SLC4A7: variants seen among roughly 807,000 people sequenced by gnomAD.
SLC4A7 encodes the protein solute carrier family 4 member 7, also known as sodium bicarbonate cotransporter 3.
A neutral mutation model predicts 137.6 loss-of-function variants in SLC4A7; 51 were observed. The observed-to-expected ratio is 0.37, with a 90% CI of 0.30 to 0.47. The LOEUF (loss-of-function observed/expected upper bound fraction) is 0.47. Ranked by LOEUF, SLC4A7 falls within the 20% of genes least tolerant of loss-of-function variation. SLC4A7 has a pLI of 1.00. For synonymous variants in SLC4A7, 542 were observed against 518.6 expected (o/e 1.05, Z -0.61); for missense variants, 1,247 against 1,525.4 (o/e 0.82, Z 3.04).
intron 1 of SLC4A7, among the ~76,000 whole-genome samples, chr3:27,453,608 C>T (rs1196833864): frequency 6.6e-6 from 1 of 152,158 alleles, no homozygotes; most frequent in African/African-American, 2.4e-5. Context: ...CATGAAACTC[C>T]GTCTAAAAAT....
chr3:27,383,416 A>G (rs2050627936), intron 23 of SLC4A7, among the ~76,000 whole-genome samples, 166 bp from the exon 24 acceptor site: 1 of 152,262 alleles, frequency 6.6e-6, no homozygotes, highest in South Asian at 2.1e-4. Flanking sequence ...GTAACATAAA[A>G]TAAAAACAAC....
At chr3:27,473,963 G>A (rs1438464318) in intron 1 of SLC4A7, among the ~76,000 whole-genome samples, 2 of 152,014 alleles carry the variant, frequency 1.3e-5, no homozygotes, top group Admixed American at 6.6e-5. Context: ...GTAAATTTAA[G>A]ATGAAACTAT....
intron 16 of SLC4A7, among the ~76,000 whole-genome samples, chr3:27,400,440 A>G (rs897743739): frequency 7.2e-5 from 11 of 152,216 alleles, no homozygotes; most frequent in Admixed American, 6.5e-4. Context: ...ATGTAGCCAC[A>G]GTCCCAGTAA....
chr3:27,394,397 T>A (rs1294945998), intron 20 of SLC4A7, 121 bp downstream of exon 20: 1 of 850,830 alleles, frequency 1.2e-6, no homozygotes, highest in African/African-American at 1.7e-5. Flanking sequence ...ATTTCCCAAG[T>A]AAACTGTGGA....
chr3:27,473,148 G>A (rs1177537789), intron 1 of SLC4A7, among the ~76,000 whole-genome samples: 4 of 151,670 alleles, frequency 2.6e-5, no homozygotes, highest in African/African-American at 7.3e-5. Context: ...AAATTGATAA[G>A]CTGGGCATGG....
intron 7 of SLC4A7, among the ~76,000 whole-genome samples, chr3:27,425,017 A>G (rs1576375203): frequency 6.6e-6 from 1 of 152,246 alleles, no homozygotes; most frequent in East Asian, 1.9e-4. Context: ...ACACAGCTTA[A>G]TATGAGACTA....
intron 24 of SLC4A7, 149 bp downstream of exon 24, chr3:27,383,004 T>G (rs1250699439): frequency 5.1e-6 from 3 of 586,738 alleles, no homozygotes; most frequent in Non-Finnish European, 8.8e-6. Context: ...CTTTTCAAAT[T>G]GTGTGAAGCC....
intron 1 of SLC4A7, among the ~76,000 whole-genome samples, chr3:27,474,157 G>C (rs568629394): frequency 6.6e-6 from 1 of 152,212 alleles, no homozygotes; most frequent in South Asian, 2.1e-4. Context: ...CATCAAAACA[G>C]AATTAAGCTA....
chr3:27,377,800 A>G (rs946237187), intron 25 of SLC4A7, among the ~76,000 whole-genome samples: 1 of 152,230 alleles, frequency 6.6e-6, no homozygotes, highest in East Asian at 1.9e-4. Flanking sequence ...AAGTTTTCAG[A>G]AAGTGTAAAA....
chr3:27,460,469 A>C (rs2058638780), intron 1 of SLC4A7, among the ~76,000 whole-genome samples: 1 of 152,252 alleles, frequency 6.6e-6, no homozygotes, highest in Non-Finnish European at 1.5e-5. Context: ...TACTAGAATT[A>C]AATACTGTAT....
chr3:27,394,881 A>G, intron 19 of SLC4A7, 73 bp downstream of exon 19: 1 of 1,537,402 alleles, frequency 6.5e-7, no homozygotes, highest in South Asian at 1.3e-5. Flanking sequence ...ACATCTTTTA[A>G]TGTTCTAATC....
intron 1 of SLC4A7, among the ~76,000 whole-genome samples, chr3:27,476,932 C>T (rs770077572): frequency 6.6e-6 from 1 of 152,168 alleles, no homozygotes; most frequent in Non-Finnish European, 1.5e-5. Context: ...CTAGGCTAGA[C>T]TTAATTGAGA....
intron 7 of SLC4A7, 57 bp downstream of exon 7, chr3:27,431,241 A>C: frequency 6.6e-7 from 1 of 1,510,248 alleles, no homozygotes; most frequent in East Asian, 2.3e-5. Context: ...AAGGCATTCC[A>C]AGTGCAAGTG....
chr3:27,393,752 C>A (rs2051834742), intron 20 of SLC4A7, among the ~76,000 whole-genome samples: 1 of 152,026 alleles, frequency 6.6e-6, no homozygotes, highest in Admixed American at 6.6e-5. Context: ...TGCAAGGAAG[C>A]CTTAATTATC....
chr3:27,452,724 T>C (rs2058156321), intron 1 of SLC4A7, among the ~76,000 whole-genome samples: 1 of 152,192 alleles, frequency 6.6e-6, no homozygotes, highest in African/African-American at 2.4e-5. Flanking sequence ...CAAAGATTTT[T>C]AAATGGTTTT....
At chr3:27,433,645 G>C (rs1439687363) in intron 6 of SLC4A7, among the ~76,000 whole-genome samples, 1 of 151,604 alleles carries the variant, frequency 6.6e-6, no homozygotes, top group Non-Finnish European at 1.5e-5. Context: ...AGTATGTTCA[G>C]GAGAAAAAAA....
intron 1 of SLC4A7, among the ~76,000 whole-genome samples, chr3:27,483,426 C>G (rs566701518): frequency 1.4e-4 from 22 of 152,316 alleles, no homozygotes; most frequent in Admixed American, 2.6e-4. Flanking sequence ...CTCCCCGGGT[C>G]CCAGCCAGTG....
At chr3:27,390,525 T>C (rs897103370) in intron 21 of SLC4A7, among the ~76,000 whole-genome samples, 7 of 152,230 alleles carry the variant, frequency 4.6e-5, no homozygotes, top group Non-Finnish European at 1.0e-4. Flanking sequence ...ACAATTACAA[T>C]TCTTCACTAA....
chr3:27,419,859 G>A lies in SLC4A7; in HGVS notation c.1512+841C>T, dbSNP rs187905183. The stretch of plus-strand genomic sequence containing the variant: ...GATTAAATGCAAAACACATTGAAGA[G>A]GTAAAAAGAATCTGGTGACTGGCTG... On this transcript the variant is annotated intron_variant, in intron 10 of 25. Transcript: ENST00000454389. Among the ~76,000 whole-genome samples the A allele has an allele frequency of 7.2e-4, 109 of 152,096 alleles. No individual in the cohort carries two copies. The East Asian group carries it at 0.018, about 25-fold the overall frequency.
Sources: gnomAD v4.1 joint callset for allele counts (sites outside exome capture counted in the v4.1 genomes callset) on GRCh38, gnomAD v4.1.1 for gene constraint, MANE v1.5 for transcripts, NCBI Gene and HGNC (gene_info 2026-07-23, HGNC 2026-07-21) for gene names.